EXTL3: variants seen among roughly 807,000 people sequenced by gnomAD.
EXTL3 encodes the protein exostosin like glycosyltransferase 3, also known as exostosin-like 3.
In EXTL3, 27 loss-of-function variants were observed where a neutral mutation model predicts 69.3. The ratio of observed to expected loss-of-function variants is 0.39; its 90% CI spans 0.29 to 0.54. The LOEUF (loss-of-function observed/expected upper bound fraction) is 0.54. Among genes scored for constraint, EXTL3 ranks in the 20% least tolerant of loss-of-function variants. The pLI, the probability that EXTL3 is intolerant of heterozygous loss-of-function variation, is 0.69. For missense variants in EXTL3, 1,003 were observed against 1,231.8 expected, an observed-to-expected ratio of 0.81 and a Z score of 2.78; for synonymous variants, 511 against 499.4, an observed-to-expected ratio of 1.02 and a Z score of -0.31.
At chr8:28,730,185 A>G (rs1197841160) in intron 3 of EXTL3, 1 of 149,276 alleles carries the variant, frequency 6.7e-6, no homozygotes, top group African/African-American at 2.5e-5. Flanking sequence ...CCATTCATAA[A>G]TTTAAGTCCT....
chr8:28,737,404 C>T (rs1440508261), intron 4 of EXTL3, 115 bp from the exon 5 acceptor site: 55 of 1,101,254 alleles, frequency 5.0e-5, no homozygotes, highest in Admixed American at 7.2e-5. Context: ...TGAAAGGATA[C>T]GAGAAGTAAA....
intron 1 of EXTL3, among the ~76,000 whole-genome samples, chr8:28,691,707 GACCA>G (rs1800619448): frequency 6.6e-6 from 1 of 151,896 alleles, no homozygotes; most frequent in African/African-American, 2.4e-5. Flanking sequence ...AGACCAGCCT[GACCA>G]ACATGGAGAA....
chr8:28,746,016 TTTAC>T (rs1801881265), intron 6 of EXTL3, among the ~76,000 whole-genome samples: 1 of 152,244 alleles, frequency 6.6e-6, no homozygotes, highest in South Asian at 2.1e-4. Flanking sequence ...AATCTAATTA[TTTAC>T]TTCATAATAA....
In EXTL3 at chr8:28,738,777, G is replaced by A. The variant is rs546414927; in HGVS notation, c.2421+1114G>A. Among the ~76,000 whole-genome samples the A allele has an allele frequency of 1.6e-4, 24 of 152,314 alleles. No homozygotes were observed. In the South Asian group the frequency reaches 4.6e-3, roughly 29 times the overall value. On this transcript the variant is annotated intron_variant, in intron 5 of 6. Transcript: ENST00000220562. ...GGGAACATTTTCATTGCTTACCAATGACACTTCCCTCCCAGCTGTCACATA... is the reference window on the plus strand; with the variant it reads ...GGGAACATTTTCATTGCTTACCAATAACACTTCCCTCCCAGCTGTCACATA...
chr8:28,726,160 T>C (rs1467529980), intron 3 of EXTL3, among the ~76,000 whole-genome samples: 1 of 152,134 alleles, frequency 6.6e-6, no homozygotes, highest in African/African-American at 2.4e-5. Context: ...TTCACTATGT[T>C]GGCCAGGATG....
chr8:28,642,610 C>A (rs912850277), intron 1 of EXTL3, among the ~76,000 whole-genome samples: 3 of 151,636 alleles, frequency 2.0e-5, no homozygotes, highest in Non-Finnish European at 4.4e-5. Flanking sequence ...AGAGCAAGAC[C>A]CTAGCATTAC....
rs564420286 is a variant in EXTL3, at chr8:28,664,120, G to C, written c.-53+41310G>C. 2.0e-5 allele frequency among the ~76,000 whole-genome samples: 3 copies of C among 152,354 alleles called. No individual in the cohort carries two copies. The South Asian group carries it at 6.2e-4, about 32-fold the overall frequency. On this transcript the variant is annotated intron_variant, in intron 1 of 6. Coordinates refer to the EXTL3 transcript ENST00000523149. ...GGGTTACAGAATGAGCAGAGAGAAA[G>C]ACCCGGATTTGGCGGGCTGTCATGG...
At chr8:28,677,127 G>C (rs1448334059) in intron 1 of EXTL3, among the ~76,000 whole-genome samples, 1 of 152,038 alleles carries the variant, frequency 6.6e-6, no homozygotes, top group African/African-American at 2.4e-5. Context: ...ATCCTGGAGA[G>C]AAAAGGGATA....
rs1801530932 is a variant in EXTL3, at chr8:28,731,208, C to T, written c.2149-15C>T. 1 of 1,614,022 alleles carries T rather than the reference C, an allele frequency of 6.2e-7. No homozygotes were observed. Among genetic ancestry groups the T allele is most frequent in the Admixed American group, 1.7e-5 (1 of 60,008 alleles). On this transcript the variant is annotated splice_polypyrimidine_tract_variant and intron_variant, in intron 3 of 6. Coordinates refer to ENST00000220562, the MANE Select transcript of EXTL3 (RefSeq NM_001440.4). The stretch of plus-strand genomic sequence containing the variant: ...CACAGCCTTAATTTTTAATGTTTTT[C>T]CTTCCTCATCACAGGTGGTCCGTAC...
chr8:28,691,038 C>T (rs1800606938), intron 1 of EXTL3, among the ~76,000 whole-genome samples: 1 of 152,070 alleles, frequency 6.6e-6, no homozygotes, highest in Non-Finnish European at 1.5e-5. Context: ...GTTAGACAGG[C>T]TAGACTGGTA....
At chr8:28,746,895 C>T (rs570646499) in intron 6 of EXTL3, among the ~76,000 whole-genome samples, 9 of 152,262 alleles carry the variant, frequency 5.9e-5, no homozygotes, top group East Asian at 1.9e-4. Flanking sequence ...AGGCTGGTCT[C>T]GATCTCTTGA....
chr8:28,731,284 CAG>C lies in EXTL3; in HGVS notation c.2213_2214del (p.Glu738GlyfsTer6). 1.2e-6 allele frequency: 2 copies of C among 1,614,192 alleles called. No homozygotes were observed. The highest frequency in any genetic ancestry group is 1.7e-6 in the Non-Finnish European group (2 of 1,180,006). ...TTCTTACCCTGGAATGAAATTGAGA[CAG>C]AGGCCATCCTGTCCATTGATGACGA... On this transcript the variant is annotated frameshift_variant, in exon 4 of 7. Coordinates refer to ENST00000220562, the MANE Select transcript of EXTL3 (RefSeq NM_001440.4). LOFTEE classifies it high-confidence loss of function.
intron 1 of EXTL3, among the ~76,000 whole-genome samples, chr8:28,658,064 G>C (rs918241744): frequency 5.9e-5 from 9 of 152,328 alleles, no homozygotes; most frequent in Non-Finnish European, 1.2e-4. Context: ...CAGGGGCACC[G>C]GGCAGGAAGC....
intron 2 of EXTL3, among the ~76,000 whole-genome samples, chr8:28,616,054 G>A (rs1390435994): frequency 6.6e-6 from 1 of 151,930 alleles, no homozygotes; most frequent in Non-Finnish European, 1.5e-5. Flanking sequence ...GGGCAATATA[G>A]GGAGATGCTG....
chr8:28,619,295 A>C (rs1806374049), upstream of EXTL3, among the ~76,000 whole-genome samples: 1 of 76,988 alleles, frequency 1.3e-5, no homozygotes, highest in Non-Finnish European at 3.0e-5. Context: ...AAAAAAAAAA[A>C]AAAAAAAAAA....
chr8:28,641,485 T>C (rs1806741214), intron 1 of EXTL3, among the ~76,000 whole-genome samples: 1 of 152,238 alleles, frequency 6.6e-6, no homozygotes, highest in African/African-American at 2.4e-5. Context: ...GTATTTAATT[T>C]ATTTTTTTTT....
At chr8:28,658,005 C>T (rs928508262) in intron 1 of EXTL3, among the ~76,000 whole-genome samples, 4 of 152,154 alleles carry the variant, frequency 2.6e-5, no homozygotes, top group Non-Finnish European at 5.9e-5. Flanking sequence ...ATTCTGAGCC[C>T]GCTGGCAAGA....
intron 3 of EXTL3, among the ~76,000 whole-genome samples, chr8:28,720,634 T>G (rs1801274635): frequency 6.6e-6 from 1 of 152,228 alleles, no homozygotes; most frequent in Admixed American, 6.5e-5. Context: ...ATTGAAATGC[T>G]CTGTGTAAAG....
intron 2 of EXTL3, among the ~76,000 whole-genome samples, chr8:28,612,182 G>A (rs1806280431): frequency 6.6e-6 from 1 of 152,184 alleles, no homozygotes; most frequent in African/African-American, 2.4e-5. Context: ...GGCCAGGCAT[G>A]GTGGCTCACG....
Sources: allele counts gnomAD v4.1 joint callset (sites outside exome capture counted in the v4.1 genomes callset), GRCh38; gene constraint gnomAD v4.1.1; transcripts MANE v1.5; gene names NCBI Gene and HGNC (gene_info 2026-07-23, HGNC 2026-07-21).